KLHL13: variants seen among roughly 807,000 people sequenced by gnomAD.
The protein encoded by KLHL13 is kelch-like protein 13.
A neutral mutation model predicts 37.1 loss-of-function variants in KLHL13; 10 were observed. The observed-to-expected ratio is 0.27, with a 90% CI of 0.17 to 0.46. The LOEUF (loss-of-function observed/expected upper bound fraction) is 0.46, where lower values mean the gene tolerates loss of function less well. Ranked by LOEUF, KLHL13 falls within the 20% of genes least tolerant of loss-of-function variation. The pLI is 1.00. For missense variants in KLHL13, 360 were observed against 509.3 expected (o/e 0.71, Z 2.82); for synonymous variants, 163 against 181.2 (o/e 0.90, Z 0.81).
chrX:117,983,820 G>T (rs2053692967), intron 1 of KLHL13, among the ~76,000 whole-genome samples: 1 of 111,668 alleles, frequency 9.0e-6, no homozygotes, highest in Non-Finnish European at 1.9e-5. Context: ...GCATAACAAT[G>T]ATTGGCAGTT....
At chrX:118,113,051 A>C (rs1234596225) in intron 1 of KLHL13, among the ~76,000 whole-genome samples, 1 of 112,180 alleles carries the variant, frequency 8.9e-6, no homozygotes, top group Admixed American at 9.5e-5. Flanking sequence ...ATAAATTCTT[A>C]AGTTGAACAA....
At chrX:118,059,884 T>C (rs1169451245) in intron 1 of KLHL13, among the ~76,000 whole-genome samples, 4 of 111,684 alleles carry the variant, frequency 3.6e-5, no homozygotes, top group African/African-American at 1.3e-4. Context: ...ATTCTAGCTC[T>C]ACCACTGAAC....
chrX:117,898,005 T>C (rs1929842746), exon 7 of KLHL13: 1 of 111,806 alleles, frequency 8.9e-6, no homozygotes, highest in African/African-American at 3.3e-5. Flanking sequence ...TTTTTGAAGA[T>C]AAAATCTGGT....
At chrX:117,981,259 CA>C (rs1407193144) in intron 1 of KLHL13, among the ~76,000 whole-genome samples, 1 of 112,058 alleles carries the variant, frequency 8.9e-6, no homozygotes, top group Non-Finnish European at 1.9e-5. Flanking sequence ...CTTGTTTTGG[CA>C]TTAGGTTTAG....
chrX:118,002,547 C>T lies in KLHL13; in HGVS notation c.-55-56972G>A, dbSNP rs189439978. ...GGGGGAGGTTACGGTGAGCTGAGATCGCACCATTGCACTCCAGCCTGGGCA... is the reference window on the plus strand; with the variant it reads ...GGGGGAGGTTACGGTGAGCTGAGATTGCACCATTGCACTCCAGCCTGGGCA... On this transcript the variant is annotated intron_variant, in intron 1 of 6. Coordinates refer to the KLHL13 transcript ENST00000371882. Among the ~76,000 whole-genome samples, 483 of 107,900 alleles carry T rather than the reference C, an allele frequency of 4.5e-3. 1 individual carries two copies. The highest frequency in any genetic ancestry group is 0.016 in the African/African-American group (461 of 29,538). The allele number at this position is 107,900 out of a possible 115,157, so 93.7% of individuals were successfully genotyped here.
At chrX:117,898,886 C>CA in exon 7 of KLHL13, 1 of 1,178,505 alleles carries the variant, frequency 8.5e-7, no homozygotes, top group Non-Finnish European at 1.1e-6. Flanking sequence ...AGAACTACAG[C>CA]ATCTTAGTTG....
intron 1 of KLHL13, among the ~76,000 whole-genome samples, chrX:117,952,881 C>T (rs1300092769): frequency 3.7e-5 from 4 of 107,908 alleles, no homozygotes; most frequent in Admixed American, 3.0e-4. Context: ...GTTAGAATGG[C>T]AATCATTAAA....
At chrX:117,899,378 T>C (rs1195710296) in exon 7 of KLHL13, 2 of 1,192,585 alleles carry the variant, frequency 1.7e-6, no homozygotes, top group Admixed American at 2.3e-5. Flanking sequence ...TTTTGGAAAG[T>C]ATCATGAGTA....
At chrX:118,091,733 A>G (rs1449753433) in intron 1 of KLHL13, among the ~76,000 whole-genome samples, 1 of 111,350 alleles carries the variant, frequency 9.0e-6, no homozygotes, top group Non-Finnish European at 1.9e-5. Flanking sequence ...GTACTCAAAG[A>G]GATAAGAAAC....
intron 1 of KLHL13, among the ~76,000 whole-genome samples, chrX:118,045,921 A>C (rs1396739247): frequency 8.9e-6 from 1 of 112,494 alleles, no homozygotes; most frequent in Non-Finnish European, 1.9e-5. Context: ...AGATAAAAGG[A>C]AACCCTTGTC....
exon 1 of KLHL13, chrX:117,973,306 A>G (rs1467661316): frequency 1.0e-6 from 1 of 966,256 alleles, no homozygotes; most frequent in African/African-American, 2.0e-5. Context: ...AAACAACAAC[A>G]TACCTACTCA....
At chrX:118,073,310 T>C (rs1363461542) in intron 1 of KLHL13, among the ~76,000 whole-genome samples, 1 of 110,970 alleles carries the variant, frequency 9.0e-6, no homozygotes, top group Non-Finnish European at 1.9e-5. Context: ...ACATCATACA[T>C]GGATGGCAGC....
At chrX:117,920,736 T>A (rs764832551) in intron 2 of KLHL13, among the ~76,000 whole-genome samples, 1 of 111,969 alleles carries the variant, frequency 8.9e-6, no homozygotes, top group East Asian at 2.8e-4. Flanking sequence ...ACATTCCTTT[T>A]CGCGATAATT....
intron 1 of KLHL13, among the ~76,000 whole-genome samples, chrX:118,067,960 T>C (rs1238175121): frequency 8.9e-6 from 1 of 111,997 alleles, no homozygotes; most frequent in East Asian, 2.8e-4. Flanking sequence ...TATATAACAG[T>C]ATTGCTATAC....
chrX:117,928,827 T>C (rs1932231911), intron 2 of KLHL13, among the ~76,000 whole-genome samples: 1 of 111,271 alleles, frequency 9.0e-6, no homozygotes, highest in African/African-American at 3.3e-5. Flanking sequence ...AGAATTGCAA[T>C]AATAAAGATC....
At chrX:118,072,017 A>C (rs1329441147) in intron 1 of KLHL13, among the ~76,000 whole-genome samples, 1 of 106,209 alleles carries the variant, frequency 9.4e-6, no homozygotes, top group African/African-American at 3.5e-5. Context: ...AGCCTGCATC[A>C]CCAAGTCAAT....
intron 4 of KLHL13, 128 bp downstream of exon 5, chrX:117,919,392 CA>C: frequency 1.8e-6 from 1 of 542,247 alleles, no homozygotes; most frequent in Non-Finnish European, 3.2e-6. Context: ...ACCTTGCTTA[CA>C]GACCACATAC....
intron 1 of KLHL13, among the ~76,000 whole-genome samples, chrX:118,077,094 C>T (rs1042084097): frequency 9.9e-5 from 11 of 111,280 alleles, no homozygotes; most frequent in Admixed American, 2.9e-4. Context: ...TTTCTGGAAT[C>T]ATGTGGCACA....
At chrX:117,940,698 T>A (rs1932976859) in intron 2 of KLHL13, among the ~76,000 whole-genome samples, 1 of 111,461 alleles carries the variant, frequency 9.0e-6, no homozygotes, top group African/African-American at 3.3e-5. Context: ...TTATTCTCTT[T>A]GTAGCAATTG....
Sources: gnomAD v4.1 joint callset for allele counts (sites outside exome capture counted in the v4.1 genomes callset) on GRCh38, gnomAD v4.1.1 for gene constraint, MANE v1.5 for transcripts, NCBI Gene and HGNC (gene_info 2026-07-23, HGNC 2026-07-21) for gene names.